TEX15: variants seen among roughly 807,000 people sequenced by gnomAD.
TEX15 encodes the protein testis-expressed protein 15.
Under a neutral mutation model 237.3 loss-of-function variants are expected in TEX15, and 171 were observed. That is an observed-to-expected ratio of 0.72 (90% CI 0.64 to 0.82). The LOEUF (loss-of-function observed/expected upper bound fraction) is 0.82, where lower values mean the gene tolerates loss of function less well. Among genes scored for constraint, TEX15 ranks in the 40% least tolerant of loss-of-function variants. TEX15 has a pLI of 0.00. For synonymous variants in TEX15, 1,338 were observed against 1,269.8 expected (o/e 1.05, Z -1.14); for missense variants, 3,750 against 3,646.5 (o/e 1.03, Z -0.73).
At position 30,873,542 on chromosome 8, in the gene TEX15, G is replaced by T. The variant is rs183279561; in HGVS notation, c.302+1395C>A. Among the ~76,000 whole-genome samples, 4 of 152,212 alleles carry T rather than the reference G, an allele frequency of 2.6e-5. No individual in the cohort carries two copies. The South Asian group carries it at 8.3e-4, about 32-fold the overall frequency. Reference sequence around the variant, plus strand: ...ACCAATTTCCCATTTGGGAATACTGGAGGGGTGGGGATTCCTCATTGCCCT... The same window carrying T: ...ACCAATTTCCCATTTGGGAATACTGTAGGGGTGGGGATTCCTCATTGCCCT... On this transcript the variant is annotated intron_variant, in intron 4 of 10. Coordinates refer to ENST00000643185, the MANE Select transcript of TEX15 (RefSeq NM_001350162.2).
Position 30,849,298 on chromosome 8 carries a change from T to C in TEX15, c.869A>G (p.Asn290Ser). 1.3e-6 allele frequency: 2 copies of C among 1,520,570 alleles called. No homozygotes were observed. The highest frequency in any genetic ancestry group is 1.8e-6 in the Non-Finnish European group (2 of 1,141,462). The allele number at this position is 1,520,570 out of a possible 1,614,324, so 94.2% of individuals were successfully genotyped here. A position where few individuals can be genotyped will look rare whatever the true frequency, so the allele number is the denominator to read the frequency against. Residue 290 changes from asparagine (N) to serine (S), a missense_variant, in exon 8 of 11, where the codon AAT (asparagine) becomes AGT (serine). By Grantham distance (46) the Asn-to-Ser change is conservative. Coordinates refer to ENST00000643185, the MANE Select transcript of TEX15 (RefSeq NM_001350162.2). ...AAATCTTTTGGCCACTGTACAGTTA[T>C]TCAGAGAGCATGTCCTTTCTGTGGA... is the stretch of plus-strand genomic sequence containing the variant. ...PKRAERTCSLNNCTVAKRFGK... is the reference protein window; with the variant it reads ...PKRAERTCSLSNCTVAKRFGK...
intron 9 of TEX15, among the ~76,000 whole-genome samples, chr8:30,838,813 TATATATATG>T (rs1807376584): frequency 2.7e-5 from 3 of 110,474 alleles, no homozygotes; most frequent in East Asian, 6.0e-4. Context: ...TATATATATA[TATATATATG>T]AATTTTTTTT....
In TEX15 at chr8:30,848,360, A is replaced by G. The variant is rs1256940069; in HGVS notation, c.1807T>C (p.Phe603Leu). ...ATGCTTACTTTCTTTTTGAGTGGAA[A>G]AACTGTAGACGTTTGGCAACCAGTC... ...YQTGCQTSTV[F>L]PLKKKVSIDE... The change falls in exon 8 of 11, where the codon TTT becomes CTT. Residue 603 changes from phenylalanine (F) to leucine (L), a missense_variant. Transcript: ENST00000643185. 1.2e-6 allele frequency: 2 copies of G among 1,614,148 alleles called. No homozygotes were observed. Among genetic ancestry groups the G allele is most frequent in the African/African-American group, 1.3e-5 (1 of 75,056 alleles).
rs771014657 is a variant in TEX15 at position 30,842,864 on chromosome 8, T to G, written c.7303A>C (p.Ile2435Leu). ...TCAATAGCTTCAGGCTTTAAAATGA[T>G]AGCCTCATGGCTGTGGTTTATCACC... ...DVVINHSHEA[I>L]ILKPEAIEMY... is the part of the protein sequence containing the mutation. The change falls in exon 8 of 11, where the codon ATC becomes CTC. Residue 2435 changes from isoleucine (I) to leucine (L), a missense_variant. Ile to Leu is a conservative substitution (Grantham distance 5). Transcript: ENST00000643185. 6.2e-7 allele frequency: 1 copy of G among 1,611,806 alleles called. No homozygotes were observed. Among genetic ancestry groups the G allele is most frequent in the Non-Finnish European group, 8.5e-7 (1 of 1,178,676 alleles).
intron 2 of TEX15, among the ~76,000 whole-genome samples, chr8:30,897,645 GA>G (rs1203770495): frequency 6.6e-6 from 1 of 152,092 alleles, no homozygotes. Context: ...AAAATTTTAA[GA>G]ATCTGTCTAA....
chr8:30,843,238 T>C lies in TEX15; in HGVS notation c.6929A>G (p.Lys2310Arg). 5 of 1,613,364 alleles carry C rather than the reference T, an allele frequency of 3.1e-6. No homozygotes were observed. The highest frequency in any genetic ancestry group is 4.2e-6 in the Non-Finnish European group (5 of 1,179,644). ...CAAAGTATCATATATCTTCTGCAACTTAGAAAAGGCACATTTATTCACTCT... is the reference window on the plus strand; with the variant it reads ...CAAAGTATCATATATCTTCTGCAACCTAGAAAAGGCACATTTATTCACTCT... ...LLRVNKCAFS[K>R]LQKIYDTLSK... Residue 2310 changes from lysine (K) to arginine (R), a missense_variant, in exon 8 of 11, where the codon AAG (lysine) becomes AGG (arginine). Coordinates refer to ENST00000643185, the MANE Select transcript of TEX15 (RefSeq NM_001350162.2).
intron 7 of TEX15, among the ~76,000 whole-genome samples, chr8:30,853,785 A>C (rs1807840281): frequency 6.6e-6 from 1 of 152,178 alleles, no homozygotes; most frequent in Non-Finnish European, 1.5e-5. Context: ...AACCTCAATA[A>C]ACTTAAAGGA....
chr8:30,871,975 C>T (rs1808300680), intron 4 of TEX15, among the ~76,000 whole-genome samples: 1 of 152,082 alleles, frequency 6.6e-6, no homozygotes, highest in Admixed American at 6.6e-5. Flanking sequence ...TTGTCCTTAG[C>T]ACAAGTATAT....
intron 2 of TEX15, among the ~76,000 whole-genome samples, chr8:30,890,268 A>G (rs1412992417): frequency 6.6e-6 from 1 of 152,112 alleles, no homozygotes; most frequent in Non-Finnish European, 1.5e-5. Flanking sequence ...AACAACTTTA[A>G]GCGAATACAT....
intron 7 of TEX15, among the ~76,000 whole-genome samples, chr8:30,850,743 T>C (rs1807762987): frequency 1.3e-5 from 2 of 152,152 alleles, no homozygotes; most frequent in Non-Finnish European, 2.9e-5. Context: ...GTTTTTATAA[T>C]CTTGGCATAG....
At chr8:30,852,385 G>A (rs1003725128) in intron 7 of TEX15, among the ~76,000 whole-genome samples, 6 of 151,992 alleles carry the variant, frequency 3.9e-5, no homozygotes, top group South Asian at 4.1e-4. Flanking sequence ...GAGCCACCGC[G>A]CCTGGCCACA....
At position 30,858,778 on chromosome 8, in the gene TEX15, T is replaced by C; in HGVS notation, c.740A>G (p.Gln247Arg). The C allele has an allele frequency of 6.5e-7, 1 of 1,535,758 alleles. No individual in the cohort carries two copies. Among genetic ancestry groups the C allele is most frequent in the African/African-American group, 1.4e-5 (1 of 73,144 alleles). ...TGTTACTACAGCATATGGAAGACAT[T>C]GCCTAGGTTTATCTACAGGCTTTGA... is the stretch of plus-strand genomic sequence containing the variant. The part of the protein sequence containing the change: ...VLSKPVDKPR[Q>R]CLPYAVVTVK... The change falls in exon 7 of 11, where the codon CAA becomes CGA. Residue 247 changes from glutamine (Q) to arginine (R), a missense_variant. Transcript: ENST00000643185.
chr8:30,845,507 T>G lies in TEX15; in HGVS notation c.4660A>C (p.Thr1554Pro), dbSNP rs755875750. The G allele has an allele frequency of 1.5e-5, 24 of 1,613,548 alleles. No homozygotes were observed. The highest frequency in any genetic ancestry group is 2.0e-5 in the Non-Finnish European group (24 of 1,179,574). Reference sequence around the variant, plus strand: ...TGGTCTGGGGAAAACAGATATGCAGTTTTTCCAGAAAAGGGCTGATGTTCT... The same window carrying G: ...TGGTCTGGGGAAAACAGATATGCAGGTTTTCCAGAAAAGGGCTGATGTTCT... The part of the protein sequence containing the change: ...SEEHQPFSGK[T>P]AYLFSPDHSD... The change falls in exon 8 of 11, where the codon ACT (threonine) becomes CCT (proline). Residue 1554 changes from threonine (T) to proline (P), a missense_variant. Physicochemically the swap from Thr to Pro is conservative, Grantham distance 38. Transcript: ENST00000643185.
At chr8:30,889,700 A>G (rs1433382816) in intron 2 of TEX15, among the ~76,000 whole-genome samples, 1 of 152,010 alleles carries the variant, frequency 6.6e-6, no homozygotes, top group African/African-American at 2.4e-5. Flanking sequence ...TTACCTTTTA[A>G]GTAGGAATAA....
At chr8:30,850,238 C>A (rs2128768702) in intron 7 of TEX15, among the ~76,000 whole-genome samples, 1 of 151,998 alleles carries the variant, frequency 6.6e-6, no homozygotes, top group African/African-American at 2.4e-5. Context: ...AAATAAAAAC[C>A]TGGAAAATAA....
intron 7 of TEX15, among the ~76,000 whole-genome samples, chr8:30,854,079 A>G (rs1190816670): frequency 6.6e-6 from 1 of 152,020 alleles, no homozygotes; most frequent in Non-Finnish European, 1.5e-5. Flanking sequence ...CTAACCTTCC[A>G]TCTTAAGACA....
chr8:30,846,493 A>T lies in TEX15; in HGVS notation c.3674T>A (p.Ile1225Lys), dbSNP rs756000600. The T allele has an allele frequency of 6.2e-7, 1 of 1,613,548 alleles. No homozygotes were observed. Among genetic ancestry groups the T allele is most frequent in the Non-Finnish European group, 8.5e-7 (1 of 1,179,740 alleles). ...ACTCACTGGCCCTGATTCTTGCCTT[A>T]TATTATCAACTTTATCTTCACATGG... The part of the protein sequence containing the change: ...DYPCEDKVDN[I>K]RQESGPVSNS... The change falls in exon 8 of 11, where the codon ATA becomes AAA. Residue 1225 changes from isoleucine (I) to lysine (K), a missense_variant. Physicochemically the swap from Ile to Lys is moderately radical, Grantham distance 102. Coordinates refer to ENST00000643185, the MANE Select transcript of TEX15 (RefSeq NM_001350162.2).
chr8:30,883,053 G>A (rs1266453909), intron 3 of TEX15, among the ~76,000 whole-genome samples: 2 of 152,098 alleles, frequency 1.3e-5, no homozygotes, highest in African/African-American at 2.4e-5. Flanking sequence ...TTACAGGTAT[G>A]AGCCACCATG....
Position 30,878,096 on chromosome 8 carries a change from C to CTTTT in TEX15, c.137-2998_137-2995dup, listed in dbSNP as rs36096573. ...TGTAGTATGAGACCTGTAAAGATTG[C>CTTTT]TTTTTTTTTTTTTTTTTGCTTAGCA... is the stretch of plus-strand genomic sequence containing the variant. On this transcript the variant is annotated intron_variant, in intron 3 of 10. Transcript: ENST00000643185. 1.1e-3 allele frequency among the ~76,000 whole-genome samples: 128 copies of CTTTT among 118,200 alleles called. 6 individuals carry two copies. Among genetic ancestry groups the CTTTT allele is most frequent in the Middle Eastern group, 4.7e-3 (1 of 214 alleles). The allele number at this position is 118,200 out of a possible 152,430, so 77.5% of individuals were successfully genotyped here.
Sources: gnomAD v4.1 joint callset for allele counts (sites outside exome capture counted in the v4.1 genomes callset) on GRCh38, gnomAD v4.1.1 for gene constraint, MANE v1.5 for transcripts, NCBI Gene and HGNC (gene_info 2026-07-23, HGNC 2026-07-21) for gene names.